NAV2: variants seen among roughly 807,000 people sequenced by gnomAD.
NAV2 encodes the protein helicase, APC down-regulated 1.
Under a neutral mutation model 223.2 loss-of-function variants are expected in NAV2, and 54 were observed. The ratio of observed to expected loss-of-function variants is 0.24; its 90% CI spans 0.19 to 0.30. The LOEUF (loss-of-function observed/expected upper bound fraction) is 0.30. NAV2 is among the 10% of genes least tolerant of loss of function. The pLI is 1.00. For synonymous variants in NAV2, 1,279 were observed against 1,239.3 expected (o/e 1.03, Z -0.67); for missense variants, 2,806 against 3,147.5 (o/e 0.89, Z 2.60).
At chr11:20,053,980 G>GAT (rs1406484727) in intron 17 of NAV2, 100 bp from the exon 18 acceptor site, 15 of 1,224,206 alleles carry the variant, frequency 1.2e-5, no homozygotes, top group Non-Finnish European at 1.7e-5. Flanking sequence ...ATCATCTTCG[G>GAT]ATATATGTTT....
In NAV2 at chr11:19,373,707, GTCTC is replaced by G. The variant is rs779752823; in HGVS notation, c.75+22685_75+22688del. Among the ~76,000 whole-genome samples the G allele has an allele frequency of 7.9e-5, 12 of 152,266 alleles. No individual in the cohort carries two copies. In the East Asian group the frequency reaches 1.2e-3, roughly 15 times the overall value. On this transcript the variant is annotated intron_variant, in intron 1 of 37. Coordinates refer to the NAV2 transcript ENST00000360655. ...CTTATTATATACCTGTTCATTGACTGTCTCTCTCCTTAGACATAAAATTCACAAA... is the reference window on the plus strand; with the variant it reads ...CTTATTATATACCTGTTCATTGACTGTCTCCTTAGACATAAAATTCACAAA...
In NAV2 at chr11:20,055,404, C is replaced by T. The variant is rs118036152; in HGVS notation, c.4643-365C>T. Among the ~76,000 whole-genome samples the T allele has an allele frequency of 1.8e-3, 268 of 152,312 alleles. 6 individuals carry two copies. In the East Asian group the frequency reaches 0.042, roughly 24 times the overall value. ...AAGAGATTCTTGTCATGCACAAATGCTTCCCATCTGATCAAAAGCCTGATT... is the reference window on the plus strand; with the variant it reads ...AAGAGATTCTTGTCATGCACAAATGTTTCCCATCTGATCAAAAGCCTGATT... On this transcript the variant is annotated intron_variant, in intron 18 of 37. Coordinates refer to ENST00000349880, the MANE Select transcript of NAV2 (RefSeq NM_145117.5).
At chr11:19,440,077 T>A (rs188130477) in intron 1 of NAV2, among the ~76,000 whole-genome samples, 13 of 152,352 alleles carry the variant, frequency 8.5e-5, no homozygotes, top group African/African-American at 3.1e-4. Context: ...TATGTTCAAT[T>A]GCCACTCAAA....
chr11:19,538,764 A>G (rs1454823241), intron 1 of NAV2, among the ~76,000 whole-genome samples: 1 of 151,888 alleles, frequency 6.6e-6, no homozygotes, highest in Admixed American at 6.6e-5. Flanking sequence ...TCTTGAAATA[A>G]TTGTGGATTC....
At chr11:19,391,587 A>G (rs1849250890) in intron 1 of NAV2, among the ~76,000 whole-genome samples, 1 of 152,148 alleles carries the variant, frequency 6.6e-6, no homozygotes, top group Non-Finnish European at 1.5e-5. Context: ...AGTAGCAGGA[A>G]CAGTGGGGTA....
At chr11:19,607,206 T>C (rs1317749689) in intron 1 of NAV2, among the ~76,000 whole-genome samples, 1 of 152,222 alleles carries the variant, frequency 6.6e-6, no homozygotes, top group Non-Finnish European at 1.5e-5. Context: ...GCTCTTACTC[T>C]GCATAGGCCC....
intron 1 of NAV2, among the ~76,000 whole-genome samples, chr11:19,818,936 T>TA (rs1430211374): frequency 6.6e-6 from 1 of 152,206 alleles, no homozygotes; most frequent in Non-Finnish European, 1.5e-5. Context: ...CCCCACCATT[T>TA]AATCATTCAT....
intron 5 of NAV2, among the ~76,000 whole-genome samples, chr11:19,889,406 A>T (rs1309083526): frequency 1.3e-5 from 2 of 152,114 alleles, no homozygotes; most frequent in Non-Finnish European, 2.9e-5. Flanking sequence ...AAAGTACATG[A>T]TCTCCATCCA....
At chr11:19,950,102 A>G (rs1241702391) in intron 10 of NAV2, among the ~76,000 whole-genome samples, 1 of 152,226 alleles carries the variant, frequency 6.6e-6, no homozygotes, top group Non-Finnish European at 1.5e-5. Context: ...TTCATCTGTT[A>G]ACATGACTTG....
Position 19,483,168 on chromosome 11 carries a change from C to A in NAV2, c.75+132141C>A, listed in dbSNP as rs12422007. 4.6e-3 allele frequency among the ~76,000 whole-genome samples: 705 copies of A among 152,368 alleles called. 25 individuals are homozygous for A. The highest frequency in any genetic ancestry group is 0.036 in the Admixed American group (554 of 15,304). On this transcript the variant is annotated intron_variant, in intron 1 of 37. Transcript: ENST00000360655. Reference sequence around the variant, plus strand: ...GTACTATTAGTATATAGTAGCCCCCCACTTATCCATGGTTTCAGTTACCTG... The same window carrying A: ...GTACTATTAGTATATAGTAGCCCCCAACTTATCCATGGTTTCAGTTACCTG...
At chr11:19,781,338 G>A (rs1209759752) in intron 1 of NAV2, among the ~76,000 whole-genome samples, 1 of 152,204 alleles carries the variant, frequency 6.6e-6, no homozygotes, top group Non-Finnish European at 1.5e-5. Context: ...TCTGTGAGGG[G>A]CCTCTCTGTT....
intron 1 of NAV2, among the ~76,000 whole-genome samples, chr11:19,759,478 G>C (rs538643167): frequency 1.3e-5 from 2 of 152,182 alleles, no homozygotes; most frequent in East Asian, 3.9e-4. Context: ...TTAGTGTTAG[G>C]AAAAATAGTC....
chr11:19,799,719 A>G (rs1200824070), intron 1 of NAV2, among the ~76,000 whole-genome samples: 1 of 152,102 alleles, frequency 6.6e-6, no homozygotes, highest in Non-Finnish European at 1.5e-5. Flanking sequence ...CTGTTAAGGG[A>G]ATAGAGTCCC....
intron 1 of NAV2, among the ~76,000 whole-genome samples, chr11:19,475,202 T>G (rs1033501296): frequency 6.6e-6 from 1 of 152,232 alleles, no homozygotes; most frequent in Non-Finnish European, 1.5e-5. Context: ...TTCTGATATA[T>G]GAGCAACGGC....
At chr11:19,943,287 T>C (rs2046559060) in intron 8 of NAV2, among the ~76,000 whole-genome samples, 1 of 152,040 alleles carries the variant, frequency 6.6e-6, no homozygotes, top group Non-Finnish European at 1.5e-5. Flanking sequence ...TCCTCCAAAG[T>C]CATTAGGGGA....
intron 1 of NAV2, among the ~76,000 whole-genome samples, chr11:19,576,232 AGACTGG>A (rs2045567304): frequency 6.6e-6 from 1 of 152,226 alleles, no homozygotes; most frequent in African/African-American, 2.4e-5. Flanking sequence ...ACTTGGCCAG[AGACTGG>A]GCAGCCTTGC....
Position 19,945,115 on chromosome 11 carries a change from C to CCTCTTTCTTTCTT in NAV2, c.2147-1286_2147-1285insCTCTTTCTTTCTT, listed in dbSNP as rs751353656. ...CTTCTCTTCTCTTCTTTCTTTTTTT[C>CCTCTTTCTTTCTT]TCTTTCTTTCTTTCTTTCTTTCTTC... On this transcript the variant is annotated intron_variant, in intron 8 of 37. Transcript: ENST00000349880. 8.1e-4 allele frequency among the ~76,000 whole-genome samples: 105 copies of CCTCTTTCTTTCTT among 129,486 alleles called. 2 individuals carry two copies. Among genetic ancestry groups the CCTCTTTCTTTCTT allele is most frequent in the Middle Eastern group, 4.2e-3 (1 of 238 alleles). 84.9% of individuals were successfully genotyped at this position (129,486 alleles called of 152,430 possible).
intron 5 of NAV2, among the ~76,000 whole-genome samples, chr11:19,882,628 TTAAAATAA>T (rs1251152350): frequency 1.3e-5 from 2 of 152,216 alleles, no homozygotes; most frequent in Non-Finnish European, 2.9e-5. Context: ...GTTTGTTTTC[TTAAAATAA>T]CCAGATATTC....
chr11:19,707,930 T>C (rs982886129), upstream of NAV2, among the ~76,000 whole-genome samples: 1 of 152,194 alleles, frequency 6.6e-6, no homozygotes, highest in Non-Finnish European at 1.5e-5. Context: ...AAAACATCAT[T>C]ATGCAGTGCG....
Sources: allele counts gnomAD v4.1 joint callset (sites outside exome capture counted in the v4.1 genomes callset), GRCh38; gene constraint gnomAD v4.1.1; transcripts MANE v1.5; gene names NCBI Gene and HGNC (gene_info 2026-07-23, HGNC 2026-07-21).